ANGPT4: variants seen among roughly 807,000 people sequenced by gnomAD.
The protein encoded by ANGPT4 is angiopoietin 4, also known as angiopoietin-4.
In ANGPT4, 50 loss-of-function variants were observed where a neutral mutation model predicts 53.0. The ratio of observed to expected loss-of-function variants is 0.94; its 90% confidence interval spans 0.75 to 1.20. The LOEUF (loss-of-function observed/expected upper bound fraction) is 1.20. Among genes scored for constraint, ANGPT4 ranks in the 50% most tolerant of loss-of-function variants. The probability of loss-of-function intolerance (pLI) is 0.00; values close to 1 mark genes in which losing one functional copy is unlikely to be tolerated. For synonymous variants in ANGPT4, 251 were observed against 259.7 expected (o/e 0.97, Z 0.32); for missense variants, 648 against 637.1 (o/e 1.02, Z -0.18).
At chr20:898,605 C>G (rs1213900765) in intron 1 of ANGPT4, among the ~76,000 whole-genome samples, 3 of 152,174 alleles carry the variant, frequency 2.0e-5, no homozygotes, top group African/African-American at 7.2e-5. Context: ...GAGATTCCGG[C>G]CCTCAAACCC....
At chr20:885,722 G>A (rs12626075) in intron 3 of ANGPT4, among the ~76,000 whole-genome samples, 27,446 of 151,942 alleles carry the variant, frequency 0.18, 2,794 homozygotes, top group East Asian at 0.42. Flanking sequence ...TAGCCTAGAT[G>A]CCCAAAAGCC....
At chr20:875,179 G>A (rs866603516) in intron 7 of ANGPT4, among the ~76,000 whole-genome samples, 2 of 152,148 alleles carry the variant, frequency 1.3e-5, no homozygotes, top group Middle Eastern at 3.2e-3. Flanking sequence ...ACCTGCTCAA[G>A]TCTCAGAATG....
intron 7 of ANGPT4, 128 bp from the exon 8 acceptor site, chr20:874,542 G>A (rs1437115410): frequency 2.3e-6 from 3 of 1,312,488 alleles, no homozygotes; most frequent in Non-Finnish European, 3.1e-6. Flanking sequence ...TGGAGGGACA[G>A]CCCCAGCCTG....
rs1366590949 is a variant in ANGPT4, at chr20:886,798, C to T, written c.588-1473G>A. Reference sequence around the variant, plus strand: ...TACGGTTTCTACTGCATGTGTATCACTTTCATACCACTGTTAAGTCACAAA... The same window carrying T: ...TACGGTTTCTACTGCATGTGTATCATTTTCATACCACTGTTAAGTCACAAA... On this transcript the variant is annotated intron_variant, in intron 3 of 8. Coordinates refer to ENST00000381922, the MANE Select transcript of ANGPT4 (RefSeq NM_015985.4). Among the ~76,000 whole-genome samples the T allele has an allele frequency of 1.7e-4, 26 of 152,236 alleles. 1 individual carries two copies. The highest frequency in any genetic ancestry group is 1.7e-3 in the Admixed American group (26 of 15,282).
intron 1 of ANGPT4, among the ~76,000 whole-genome samples, chr20:896,796 G>A (rs1304622135): frequency 6.6e-6 from 1 of 152,126 alleles, no homozygotes; most frequent in African/African-American, 2.4e-5. Context: ...GTTGTAGGGA[G>A]CATTCCTGAG....
chr20:892,424 C>T (rs1410846909), intron 1 of ANGPT4, among the ~76,000 whole-genome samples: 4 of 151,840 alleles, frequency 2.6e-5, no homozygotes, highest in Non-Finnish European at 4.4e-5. Flanking sequence ...GGTGAAACTC[C>T]ATCTCTACTA....
chr20:873,159 G>A, intron 8 of ANGPT4, 39 bp from the exon 9 acceptor site: 1 of 1,597,154 alleles, frequency 6.3e-7, no homozygotes. Context: ...GTGGAGGTGG[G>A]AGCCCAGCCA....
intron 1 of ANGPT4, among the ~76,000 whole-genome samples, chr20:904,624 T>C (rs1361851525): frequency 6.6e-6 from 1 of 152,174 alleles, no homozygotes; most frequent in Non-Finnish European, 1.5e-5. Flanking sequence ...AATCACACGT[T>C]TTTTTGGTCC....
At chr20:899,739 C>T (rs1341169560) in intron 1 of ANGPT4, among the ~76,000 whole-genome samples, 2 of 152,190 alleles carry the variant, frequency 1.3e-5, no homozygotes, top group Non-Finnish European at 2.9e-5. Context: ...CCTCAATACG[C>T]CCCTCCACAA....
chr20:888,476 A>G, intron 2 of ANGPT4, 37 bp from the exon 3 acceptor site: 1 of 1,594,924 alleles, frequency 6.3e-7, no homozygotes, highest in Non-Finnish European at 8.5e-7. Flanking sequence ...GGGGCTGCGT[A>G]AGCGCTACAG....
intron 1 of ANGPT4, among the ~76,000 whole-genome samples, chr20:909,966 G>A (rs767328109): frequency 6.6e-5 from 10 of 152,190 alleles, no homozygotes; most frequent in Admixed American, 6.5e-4. Context: ...GGGTTCCTGG[G>A]GGAAGAAAAA....
rs376952791 is a variant in ANGPT4 at position 914,541 on chromosome 20, G to A, written c.309+1365C>T. On this transcript the variant is annotated intron_variant, in intron 1 of 8. Coordinates refer to ENST00000381922, the MANE Select transcript of ANGPT4 (RefSeq NM_015985.4). The surrounding 1 kb of genome is among the most constrained non-coding windows in gnomAD (Gnocchi z 5.0). Reference sequence around the variant, plus strand: ...GCATGGAGAACAGGAGGTGGGGGCCGAGTGTTAGCAGGGAGCCAGGGGGGC... The same window carrying A: ...GCATGGAGAACAGGAGGTGGGGGCCAAGTGTTAGCAGGGAGCCAGGGGGGC... 7.2e-5 allele frequency among the ~76,000 whole-genome samples: 11 copies of A among 152,178 alleles called. No homozygotes were observed. Among genetic ancestry groups the A allele is most frequent in the East Asian group, 5.8e-4 (3 of 5,174 alleles).
chr20:891,590 G>T (rs940098013), intron 1 of ANGPT4, among the ~76,000 whole-genome samples: 6 of 152,106 alleles, frequency 3.9e-5, no homozygotes, highest in Admixed American at 2.0e-4. Flanking sequence ...TCCTTCCCTT[G>T]CCCTCTCACT....
At chr20:885,366 C>T (rs1456646983) in intron 3 of ANGPT4, 41 bp from the exon 4 acceptor site, 4 of 1,494,768 alleles carry the variant, frequency 2.7e-6, no homozygotes, top group Non-Finnish European at 8.9e-7. Flanking sequence ...CTGGCATCCT[C>T]GCGAAGCACG....
In ANGPT4 at chr20:885,075, C is replaced by A; in HGVS notation, c.835+3G>T. On this transcript the variant is annotated splice_donor_region_variant and intron_variant, in intron 4 of 8. Transcript: ENST00000381922. ...CACACTGGGGCGCACACCGCTCACT[C>A]ACCCGGGGCCGAGGCGTTAGCCCTT... 6.2e-7 allele frequency: 1 copy of A among 1,613,650 alleles called. No individual in the cohort carries two copies. Among genetic ancestry groups the A allele is most frequent in the South Asian group, 1.1e-5 (1 of 90,942 alleles).
At position 899,403 on chromosome 20, in the gene ANGPT4, A is replaced by G. The variant is rs1039187791; in HGVS notation, c.310-9035T>C. The stretch of plus-strand genomic sequence containing the variant: ...GCTGGGACTACAGGTGCCTGCCACC[A>G]CGCCTAGCTAATTTTTTTGTATTTT... On this transcript the variant is annotated intron_variant, in intron 1 of 8. Transcript: ENST00000381922. 4.0e-5 allele frequency among the ~76,000 whole-genome samples: 6 copies of G among 151,656 alleles called. No homozygotes were observed. The South Asian group carries it at 6.3e-4, about 16-fold the overall frequency.
rs1220768763 is a variant in ANGPT4, at chr20:908,903, G to C, written c.309+7003C>G. Among the ~76,000 whole-genome samples the C allele has an allele frequency of 1.3e-5, 2 of 152,120 alleles. No individual in the cohort carries two copies. The highest frequency in any genetic ancestry group is 4.8e-5 in the African/African-American group (2 of 41,404). On this transcript the variant is annotated intron_variant, in intron 1 of 8. Transcript: ENST00000381922. The surrounding 1 kb of genome is among the most constrained non-coding windows in gnomAD (Gnocchi z 4.9). ...GTTGCCTCTGGAGAGGAGAAACAGG[G>C]GTCTCAGCTGGGTGTCAGGAACCCT...
intron 1 of ANGPT4, among the ~76,000 whole-genome samples, chr20:894,815 C>A (rs1017514418): frequency 6.6e-6 from 1 of 152,192 alleles, no homozygotes; most frequent in African/African-American, 2.4e-5. Context: ...GCAGGCTAGG[C>A]TCTAAGACTC....
intron 8 of ANGPT4, 131 bp downstream of exon 8, chr20:874,153 G>T: frequency 7.3e-7 from 1 of 1,373,142 alleles, no homozygotes; most frequent in Non-Finnish European, 1.0e-6. Flanking sequence ...TGAGCTTATG[G>T]GTGGGCAAGG....
Sources: allele counts gnomAD v4.1 joint callset (sites outside exome capture counted in the v4.1 genomes callset), GRCh38; gene constraint gnomAD v4.1.1; non-coding constraint Gnocchi (gnomAD v3.1); transcripts MANE v1.5; gene names NCBI Gene and HGNC (gene_info 2026-07-23, HGNC 2026-07-21).